GAL3ST3: variants seen among roughly 807,000 people sequenced by gnomAD.
The protein encoded by GAL3ST3 is beta-galactose-3-O-sulfotransferase 3.
GAL3ST3 carries 21 observed loss-of-function variants against 20.8 expected under a neutral mutation model. The observed-to-expected ratio is 1.01, with a 90% CI of 0.72 to 1.45. The LOEUF (loss-of-function observed/expected upper bound fraction) is 1.45. GAL3ST3 is among the 40% of genes most tolerant of loss of function. GAL3ST3 has a pLI of 0.00. For synonymous variants in GAL3ST3, 355 were observed against 307.2 expected (o/e 1.16, Z -1.63); for missense variants, 739 against 662.7 (o/e 1.12, Z -1.26).
rs1385940891 is a variant in GAL3ST3, at chr11:66,041,334, AAAGT to A, written c.*1169_*1172del. On this transcript the variant is annotated 3_prime_UTR_variant, in exon 3 of 3. Coordinates refer to ENST00000312006, the MANE Select transcript of GAL3ST3 (RefSeq NM_033036.3). Reference sequence around the variant, plus strand: ...CAGATACGTCGATATAGCTCTGAAGAAAGTAACAGAAAAAGTTCCAATTCTCTGC... The same window carrying A: ...CAGATACGTCGATATAGCTCTGAAGAAACAGAAAAAGTTCCAATTCTCTGC... Among the ~76,000 whole-genome samples, 3 of 152,184 alleles carry A rather than the reference AAAGT, an allele frequency of 2.0e-5. No individual in the cohort carries two copies. Among genetic ancestry groups the A allele is most frequent in the Non-Finnish European group, 2.9e-5 (2 of 68,022 alleles).
At chr11:66,046,378 A>G (rs1856783381) in intron 1 of GAL3ST3, among the ~76,000 whole-genome samples, 1 of 152,170 alleles carries the variant, frequency 6.6e-6, no homozygotes, top group Non-Finnish European at 1.5e-5. Flanking sequence ...GAGGGAAAGG[A>G]AGGTCTTGAA....
chr11:66,042,353 G>A lies in GAL3ST3; in HGVS notation c.*154C>T. 2 of 602,626 alleles carry A rather than the reference G, an allele frequency of 3.3e-6. No individual in the cohort carries two copies. 37.3% of individuals were successfully genotyped at this position (602,626 alleles called of 1,614,324 possible). A position where few individuals can be genotyped will look rare whatever the true frequency, so the allele number is the denominator to read the frequency against. On this transcript the variant is annotated 3_prime_UTR_variant, in exon 3 of 3. Transcript: ENST00000312006. The stretch of plus-strand genomic sequence containing the variant: ...AAGGTTCAGCCCACGATCGGGAGCG[G>A]GGGCTCAGATAGGGAGGCGTACCCC...
In GAL3ST3 at chr11:66,042,408, A is replaced by G. The variant is rs1856714787; in HGVS notation, c.*99T>C. The G allele has an allele frequency of 2.1e-6, 2 of 958,582 alleles. No homozygotes were observed. Among genetic ancestry groups the G allele is most frequent in the South Asian group, 3.8e-5 (2 of 52,524 alleles). The allele number at this position is 958,582 out of a possible 1,614,324, so 59.4% of individuals were successfully genotyped here. On this transcript the variant is annotated 3_prime_UTR_variant, in exon 3 of 3. Transcript: ENST00000312006. ...TTCAGCGAGGGACTCAAGCCCCTTGAAAAGAAAGGGCTCTCATGGGGGCAG... is the reference window on the plus strand; with the variant it reads ...TTCAGCGAGGGACTCAAGCCCCTTGGAAAGAAAGGGCTCTCATGGGGGCAG...
At chr11:66,048,846 C>T (rs1462844930) in intron 1 of GAL3ST3, among the ~76,000 whole-genome samples, 165 bp downstream of exon 1, 1 of 152,004 alleles carries the variant, frequency 6.6e-6, no homozygotes, top group African/African-American at 2.4e-5. Context: ...GCCAGATTGG[C>T]CCGCTCACCC....
Position 66,043,535 on chromosome 11 carries a change from G to A in GAL3ST3, c.268C>T (p.His90Tyr), listed in dbSNP as rs1177200544. ...QNILFRFAERHNLTVALPHPS... is the reference protein window; with the variant it reads ...QNILFRFAERYNLTVALPHPS... Reference sequence around the variant, plus strand: ...TGCGGCAGGGCCACCGTCAGGTTGTGGCGCTCGGCAAAGCGAAACAGGATG... The same window carrying A: ...TGCGGCAGGGCCACCGTCAGGTTGTAGCGCTCGGCAAAGCGAAACAGGATG... The change falls in exon 3 of 3, where the codon CAC (histidine) becomes TAC (tyrosine). Residue 90 changes from histidine to tyrosine, a missense_variant. Physicochemically the swap from His to Tyr is moderately conservative, Grantham distance 83 (BLOSUM62 2). Transcript: ENST00000312006. The A allele has an allele frequency of 1.9e-6, 3 of 1,610,956 alleles. No individual in the cohort carries two copies. The highest frequency in any genetic ancestry group is 1.7e-5 in the Admixed American group (1 of 59,986).
intron 1 of GAL3ST3, among the ~76,000 whole-genome samples, chr11:66,048,682 C>G (rs1036067823): frequency 3.5e-5 from 5 of 142,236 alleles, no homozygotes; most frequent in Admixed American, 7.1e-5. Context: ...CCTCCTCTCT[C>G]TCTCATCCAC....
In GAL3ST3 at chr11:66,043,515, C is replaced by T; in HGVS notation, c.288G>A (p.Leu96=). Residue 96 remains leucine (L), a synonymous_variant, in exon 3 of 3, where the codon CTG becomes CTA. Transcript: ENST00000312006. ...ACTGGTGCTCGCAGCTCGGGTGCGG[C>T]AGGGCCACCGTCAGGTTGTGGCGCT... ...FAERHNLTVA[L]PHPSCEHQFC... 6.2e-7 allele frequency: 1 copy of T among 1,610,490 alleles called. No individual in the cohort carries two copies. Among genetic ancestry groups the T allele is most frequent in the Non-Finnish European group, 8.5e-7 (1 of 1,179,450 alleles).
rs145110013 is a variant in GAL3ST3, at chr11:66,043,469, A to C, written c.334T>G (p.Ser112Ala). 147 of 1,610,108 alleles carry C rather than the reference A, an allele frequency of 9.1e-5. No individual in the cohort carries two copies. The highest frequency in any genetic ancestry group is 1.6e-4 in the Middle Eastern group (1 of 6,080). The change falls in exon 3 of 3, where the codon TCG becomes GCG. Residue 112 changes from serine (S) to alanine (A), a missense_variant. Transcript: ENST00000312006. The part of the protein sequence containing the change: ...EHQFCYPRNF[S>A]AHFVHPATRP... Reference sequence around the variant, plus strand: ...GTGGCCGGGTGCACGAAGTGCGCCGAGAAGTTGCGGGGGTAGCAGAACTGG... The same window carrying C: ...GTGGCCGGGTGCACGAAGTGCGCCGCGAAGTTGCGGGGGTAGCAGAACTGG...
intron 1 of GAL3ST3, among the ~76,000 whole-genome samples, chr11:66,047,676 G>T (rs1356709527): frequency 1.3e-5 from 2 of 152,172 alleles, no homozygotes; most frequent in Admixed American, 6.5e-5. Flanking sequence ...GATACAGCCT[G>T]GTCCATTTCT....
At position 66,043,005 on chromosome 11, in the gene GAL3ST3, C is replaced by T. The variant is rs746730032; in HGVS notation, c.798G>A (p.Lys266=). ...AWDLDDVLYA[K]LNARAASSRL... is the part of the protein sequence containing the mutation. ...GCGAGCTGGCGGCGCGCGCGTTGAG[C>T]TTGGCGTAGAGCACGTCGTCCAGGT... Residue 266 remains lysine (K), a synonymous_variant, in exon 3 of 3, where the codon AAG becomes AAA. Coordinates refer to ENST00000312006, the MANE Select transcript of GAL3ST3 (RefSeq NM_033036.3). The T allele has an allele frequency of 2.5e-6, 4 of 1,607,050 alleles. No homozygotes were observed. Among genetic ancestry groups the T allele is most frequent in the African/African-American group, 1.3e-5 (1 of 74,750 alleles).
Position 66,041,231 on chromosome 11 carries a change from A to G in GAL3ST3, c.*1276T>C, listed in dbSNP as rs530996740. ...ACCTGGAAAACGGCACCCATCTCCA[A>G]AGTTAACATACATAAAGCCCTTAAA... On this transcript the variant is annotated 3_prime_UTR_variant, in exon 3 of 3. Coordinates refer to ENST00000312006, the MANE Select transcript of GAL3ST3 (RefSeq NM_033036.3). 1.3e-5 allele frequency among the ~76,000 whole-genome samples: 2 copies of G among 152,312 alleles called. No individual in the cohort carries two copies. The highest frequency in any genetic ancestry group is 3.9e-4 in the East Asian group (2 of 5,182).
At chr11:66,045,596 T>G in intron 1 of GAL3ST3, 69 bp from the exon 2 acceptor site, 1 of 541,496 alleles carries the variant, frequency 1.8e-6, no homozygotes, top group Non-Finnish European at 3.0e-6. Context: ...GCAGGTCTGA[T>G]GCAAAGAGCT....
In GAL3ST3 at chr11:66,043,465, G is replaced by A. The variant is rs774200077; in HGVS notation, c.338C>T (p.Ala113Val). 3 of 1,610,062 alleles carry A rather than the reference G, an allele frequency of 1.9e-6. No homozygotes were observed. In the South Asian group the frequency reaches 3.3e-5, roughly 18 times the overall value. ...HQFCYPRNFS[A>V]HFVHPATRPP... ...CCGCGTGGCCGGGTGCACGAAGTGCGCCGAGAAGTTGCGGGGGTAGCAGAA... is the reference window on the plus strand; with the variant it reads ...CCGCGTGGCCGGGTGCACGAAGTGCACCGAGAAGTTGCGGGGGTAGCAGAA... Residue 113 changes from alanine (A) to valine (V), a missense_variant, in exon 3 of 3, where the codon GCG (alanine) becomes GTG (valine). Physicochemically the swap from Ala to Val is moderately conservative, Grantham distance 64. Coordinates refer to ENST00000312006, the MANE Select transcript of GAL3ST3 (RefSeq NM_033036.3).
chr11:66,043,454 G>C lies in GAL3ST3; in HGVS notation c.349C>G (p.His117Asp). The change falls in exon 3 of 3, where the codon CAC becomes GAC. Residue 117 changes from histidine (H) to aspartate (D), a missense_variant. Coordinates refer to ENST00000312006, the MANE Select transcript of GAL3ST3 (RefSeq NM_033036.3). The stretch of plus-strand genomic sequence containing the variant: ...ACGTGCGGCGGCCGCGTGGCCGGGT[G>C]CACGAAGTGCGCCGAGAAGTTGCGG... ...YPRNFSAHFVHPATRPPHVLA... is the reference protein window; with the variant it reads ...YPRNFSAHFVDPATRPPHVLA... 1 of 1,609,686 alleles carries C rather than the reference G, an allele frequency of 6.2e-7. No individual in the cohort carries two copies.
At chr11:66,047,203 G>C (rs901388756) in intron 1 of GAL3ST3, among the ~76,000 whole-genome samples, 2 of 152,322 alleles carry the variant, frequency 1.3e-5, no homozygotes, top group South Asian at 4.1e-4. Flanking sequence ...CTTGCAGGAG[G>C]AAGTGAGAGC....
chr11:66,046,987 G>A (rs1219345250), intron 1 of GAL3ST3, among the ~76,000 whole-genome samples: 2 of 152,172 alleles, frequency 1.3e-5, no homozygotes, highest in African/African-American at 4.8e-5. Flanking sequence ...GTGGAAAGAT[G>A]TTCTGTTTAT....
intron 1 of GAL3ST3, among the ~76,000 whole-genome samples, chr11:66,048,776 A>G (rs1310178250): frequency 2.7e-5 from 4 of 150,310 alleles, no homozygotes; most frequent in African/African-American, 9.8e-5. Flanking sequence ...CACTCCCTCA[A>G]TTTCATCCCA....
chr11:66,044,239 A>G (rs1219265497), intron 2 of GAL3ST3, among the ~76,000 whole-genome samples: 1 of 152,194 alleles, frequency 6.6e-6, no homozygotes, highest in East Asian at 1.9e-4. Context: ...CTTGGTTGCA[A>G]CCCCATGAAA....
chr11:66,045,275 G>T lies in GAL3ST3; in HGVS notation c.125+16C>A. 6.6e-7 allele frequency: 1 copy of T among 1,521,794 alleles called. No individual in the cohort carries two copies. The highest frequency in any genetic ancestry group is 1.3e-5 in the South Asian group (1 of 79,966). The allele number at this position is 1,521,794 out of a possible 1,614,324, so 94.3% of individuals were successfully genotyped here. A position where few individuals can be genotyped will look rare whatever the true frequency, so the allele number is the denominator to read the frequency against. Reference sequence around the variant, plus strand: ...GGGAGGGGAGCTCCGGCCCCCCTGGGGCCCCGCCCCCTTACCAGCTGAGCT... The same window carrying T: ...GGGAGGGGAGCTCCGGCCCCCCTGGTGCCCCGCCCCCTTACCAGCTGAGCT... On this transcript the variant is annotated intron_variant, in intron 2 of 2. Transcript: ENST00000312006.
Sources: gnomAD v4.1 joint callset for allele counts (sites outside exome capture counted in the v4.1 genomes callset) on GRCh38, gnomAD v4.1.1 for gene constraint, MANE v1.5 for transcripts, NCBI Gene and HGNC (gene_info 2026-07-23, HGNC 2026-07-21) for gene names.